The following MCTP2 variants were observed in gnomAD, a reference collection of about 807,000 sequenced individuals.
MCTP2 encodes the protein multiple C2 and transmembrane domain-containing protein 2.
MCTP2 carries 132 observed loss-of-function variants against 111.6 expected under a neutral mutation model. The observed-to-expected ratio is 1.18, with a 90% CI of 1.03 to 1.37. The LOEUF (loss-of-function observed/expected upper bound fraction) is 1.37, where lower values mean the gene tolerates loss of function less well. Among genes scored for constraint, MCTP2 ranks in the 40% most tolerant of loss-of-function variants. The pLI, the probability that MCTP2 is intolerant of heterozygous loss-of-function variation, is 0.00. For synonymous variants in MCTP2, 395 were observed against 387.7 expected (o/e 1.02, Z -0.22); for missense variants, 1,183 against 1,067.9 (o/e 1.11, Z -1.50).
chr15:94,236,377 CTTTTTTTTTT>C (rs71132992), intron 1 of MCTP2, among the ~76,000 whole-genome samples: 21 of 72,516 alleles, frequency 2.9e-4, no homozygotes, highest in Admixed American at 1.8e-3. Context: ...TCTTTTTTTT[CTTTTTTTTTT>C]TTTTTTTTTT....
chr15:94,443,151 A>T (rs1000359519), intron 19 of MCTP2, among the ~76,000 whole-genome samples, 191 bp downstream of exon 19: 1 of 151,848 alleles, frequency 6.6e-6, no homozygotes, highest in Non-Finnish European at 1.5e-5. Flanking sequence ...TGAGGTTGAG[A>T]AGGGTAAAAT....
At chr15:94,235,063 C>T (rs1472696797) in intron 1 of MCTP2, among the ~76,000 whole-genome samples, 1 of 152,090 alleles carries the variant, frequency 6.6e-6, no homozygotes, top group Non-Finnish European at 1.5e-5. Flanking sequence ...ACCGGCCTGG[C>T]CAATATGGCG....
chr15:94,243,907 A>G (rs551353242), intron 1 of MCTP2, among the ~76,000 whole-genome samples: 28 of 128,006 alleles, frequency 2.2e-4, no homozygotes, highest in African/African-American at 3.7e-4. Flanking sequence ...ATACACATAC[A>G]TATGTGTATA....
At chr15:94,286,229 C>A (rs150882748) in intron 1 of MCTP2, among the ~76,000 whole-genome samples, 98 of 152,214 alleles carry the variant, frequency 6.4e-4, no homozygotes, top group African/African-American at 2.0e-3. Context: ...TATATAAATT[C>A]TTTTCCCAGT....
intron 10 of MCTP2, 135 bp downstream of exon 10, chr15:94,358,747 G>T: frequency 1.0e-6 from 1 of 1,001,042 alleles, no homozygotes; most frequent in Non-Finnish European, 1.4e-6. Context: ...TGAGCTGGAT[G>T]GCCAGTCCTA....
intron 1 of MCTP2, among the ~76,000 whole-genome samples, chr15:94,245,483 C>A (rs373240138): frequency 2.9e-5 from 4 of 136,600 alleles, no homozygotes; most frequent in African/African-American, 1.1e-4. Context: ...TGTATATATA[C>A]ATACATGTAT....
intron 22 of MCTP2, among the ~76,000 whole-genome samples, chr15:94,477,047 A>C (rs147759096): frequency 1.4e-4 from 21 of 152,332 alleles, no homozygotes; most frequent in African/African-American, 4.8e-4. Flanking sequence ...CTGGGCACTG[A>C]TGCTTGTCCC....
intron 17 of MCTP2, among the ~76,000 whole-genome samples, chr15:94,425,019 A>G (rs2082814928): frequency 1.3e-5 from 2 of 152,162 alleles, no homozygotes; most frequent in African/African-American, 4.8e-5. Context: ...TTTAATATCA[A>G]AATTACCCAA....
chr15:94,247,792 G>C (rs758701134), intron 1 of MCTP2, among the ~76,000 whole-genome samples: 3 of 152,152 alleles, frequency 2.0e-5, no homozygotes, highest in Admixed American at 1.3e-4. Context: ...TCTTTAGGTT[G>C]ATGAACTCCA....
chr15:94,351,677 A>G (rs1567499313), intron 8 of MCTP2, among the ~76,000 whole-genome samples: 2 of 152,196 alleles, frequency 1.3e-5, no homozygotes, highest in African/African-American at 4.8e-5. Flanking sequence ...CCTGGCAGGT[A>G]TGCTCTGGTC....
chr15:94,451,339 C>G (rs1160503842), intron 19 of MCTP2, among the ~76,000 whole-genome samples: 1 of 152,284 alleles, frequency 6.6e-6, no homozygotes, highest in East Asian at 1.9e-4. Context: ...ATGCTTTCAT[C>G]TCTTCATTAT....
chr15:94,270,971 A>G (rs1474993058), intron 1 of MCTP2, among the ~76,000 whole-genome samples: 2 of 152,200 alleles, frequency 1.3e-5, no homozygotes, highest in Non-Finnish European at 2.9e-5. Flanking sequence ...TTAGGTGTCA[A>G]TATGTGTATC....
chr15:94,463,014 G>A (rs563495590), intron 20 of MCTP2, among the ~76,000 whole-genome samples: 4 of 152,216 alleles, frequency 2.6e-5, no homozygotes, highest in South Asian at 2.1e-4. Context: ...ATTGTGGGTC[G>A]CTGAGGGGAA....
chr15:94,407,211 A>T (rs1567644765), intron 17 of MCTP2, among the ~76,000 whole-genome samples: 1 of 152,154 alleles, frequency 6.6e-6, no homozygotes, highest in African/African-American at 2.4e-5. Context: ...TGCATTTTTC[A>T]TATGTTAAAA....
chr15:94,350,553 G>A (rs1273242013), intron 8 of MCTP2, among the ~76,000 whole-genome samples: 3 of 151,818 alleles, frequency 2.0e-5, no homozygotes, highest in Non-Finnish European at 4.4e-5. Context: ...CTGAGTGACA[G>A]AGCGAGACTC....
intron 20 of MCTP2, among the ~76,000 whole-genome samples, chr15:94,461,403 T>A (rs1038494342): frequency 6.6e-5 from 10 of 152,108 alleles, no homozygotes; most frequent in Non-Finnish European, 1.0e-4. Context: ...GAGGTTGCAG[T>A]GAGCCGAGAT....
intron 20 of MCTP2, among the ~76,000 whole-genome samples, chr15:94,467,422 T>TAAA (rs60874772): frequency 5.9e-5 from 9 of 151,880 alleles, no homozygotes; most frequent in East Asian, 3.9e-4. Flanking sequence ...ACTTTTATTA[T>TAAA]AATAATCAAA....
chr15:94,320,613 A>G (rs1331337052), intron 4 of MCTP2, among the ~76,000 whole-genome samples: 1 of 152,188 alleles, frequency 6.6e-6, no homozygotes, highest in Non-Finnish European at 1.5e-5. Flanking sequence ...AACAGTATTT[A>G]GTCACTTACT....
At chr15:94,333,032 C>T (rs369607517) in intron 4 of MCTP2, among the ~76,000 whole-genome samples, 27 of 152,148 alleles carry the variant, frequency 1.8e-4, no homozygotes, top group Non-Finnish European at 3.2e-4. Flanking sequence ...GTCAGGAATC[C>T]GAGACCAGCC....
Sources: allele counts gnomAD v4.1 joint callset (sites outside exome capture counted in the v4.1 genomes callset), GRCh38; gene constraint gnomAD v4.1.1; transcripts MANE v1.5; gene names NCBI Gene and HGNC (gene_info 2026-07-23, HGNC 2026-07-21).